The following FEZ2 variants were observed in gnomAD, a reference collection of about 807,000 sequenced individuals.
FEZ2 encodes fasciculation and elongation protein zeta-2.
A neutral mutation model predicts 40.4 loss-of-function variants in FEZ2; 51 were observed. The ratio of observed to expected loss-of-function variants is 1.26; its 90% CI spans 1.01 to 1.59. The LOEUF is 1.59. Ranked by LOEUF, FEZ2 falls within the 40% of genes most tolerant of loss-of-function variation. The probability of loss-of-function intolerance (pLI) is 0.00; values close to 1 mark genes in which losing one functional copy is unlikely to be tolerated. For missense variants in FEZ2, 640 were observed against 438.3 expected (o/e 1.46, Z -4.11); for synonymous variants, 242 against 172.0 (o/e 1.41, Z -3.18).
At chr2:36,566,803 G>T (rs1048737998) in intron 5 of FEZ2, among the ~76,000 whole-genome samples, 1 of 152,168 alleles carries the variant, frequency 6.6e-6, no homozygotes, top group Non-Finnish European at 1.5e-5. Flanking sequence ...TACTGCCAAG[G>T]CCTGTTACCT....
chr2:36,568,908 T>C (rs542671565), intron 5 of FEZ2, among the ~76,000 whole-genome samples: 3 of 152,274 alleles, frequency 2.0e-5, no homozygotes, highest in East Asian at 1.9e-4. Context: ...AAACAGGATA[T>C]AGATTTATAA....
Position 36,581,398 on chromosome 2 carries a change from A to T in FEZ2, c.526T>A (p.Ser176Thr), listed in dbSNP as rs1464159706. The T allele has an allele frequency of 6.2e-7, 1 of 1,613,614 alleles. No homozygotes were observed. Among genetic ancestry groups the T allele is most frequent in the South Asian group, 1.1e-5 (1 of 91,068 alleles). Reference sequence around the variant, plus strand: ...GTTTCATCATCTTCTGGGTCCGGTGATTCCTGCATCATTTCTTCAATTTCT... The same window carrying T: ...GTTTCATCATCTTCTGGGTCCGGTGTTTCCTGCATCATTTCTTCAATTTCT... Reference protein sequence around the residue: ...IEEIEEMMQESPDPEDDETPT... With the variant: ...IEEIEEMMQETPDPEDDETPT... Residue 176 changes from serine (S) to threonine (T), a missense_variant, in exon 4 of 8, where the codon TCA (serine) becomes ACA (threonine). Ser to Thr is a moderately conservative substitution (Grantham distance 58, BLOSUM62 1). Transcript: ENST00000405912.
chr2:36,597,936 G>C lies in FEZ2; in HGVS notation c.207C>G (p.Ala69=), dbSNP rs1335964771. 1.4e-6 allele frequency: 2 copies of C among 1,442,904 alleles called. No homozygotes were observed. Among genetic ancestry groups the C allele is most frequent in the African/African-American group, 1.5e-5 (1 of 67,270 alleles). The allele number at this position is 1,442,904 out of a possible 1,614,324, so 89.4% of individuals were successfully genotyped here. The change falls in exon 1 of 8, where the codon GCC becomes GCG. Residue 69 remains alanine (A), a synonymous_variant. Transcript: ENST00000405912. ...GCCGCACGGCCGTCCTCGGGGGCTC[G>C]GCGCCCGGATCCGAGGGGCGGAAGC... The part of the protein sequence containing the change: ...SLCFRPSDPG[A]EPPRTAVRPI...
At chr2:36,596,806 C>A (rs2148355407) in intron 1 of FEZ2, among the ~76,000 whole-genome samples, 1 of 152,250 alleles carries the variant, frequency 6.6e-6, no homozygotes, top group East Asian at 1.9e-4. Flanking sequence ...TCCGGAGGCT[C>A]CTCTCCCCCT....
In FEZ2 at chr2:36,598,060, G is replaced by A; in HGVS notation, c.83C>T (p.Ala28Val). 3 of 1,480,880 alleles carry A rather than the reference G, an allele frequency of 2.0e-6. No individual in the cohort carries two copies. The highest frequency in any genetic ancestry group is 1.2e-5 in the South Asian group (1 of 80,430). The allele number at this position is 1,480,880 out of a possible 1,614,324, so 91.7% of individuals were successfully genotyped here. ...RSLLDQENCN[A>V]SPEPGAEAGA... Reference sequence around the variant, plus strand: ...CGCCTCCGCCCCAGGCTCGGGGCTCGCGTTACAGTTCTCCTGGTCCAGGAG... The same window carrying A: ...CGCCTCCGCCCCAGGCTCGGGGCTCACGTTACAGTTCTCCTGGTCCAGGAG... The change falls in exon 1 of 8, where the codon GCG (alanine) becomes GTG (valine). Residue 28 changes from alanine to valine, a missense_variant. Ala to Val is a moderately conservative substitution (Grantham distance 64). Transcript: ENST00000405912.
chr2:36,563,908 G>A (rs905944083), intron 5 of FEZ2, among the ~76,000 whole-genome samples: 1 of 152,104 alleles, frequency 6.6e-6, no homozygotes, highest in East Asian at 1.9e-4. Context: ...CTTCTAAGAG[G>A]GGCCACTTTC....
chr2:36,562,637 A>C (rs1573003251), intron 5 of FEZ2, among the ~76,000 whole-genome samples: 1 of 152,212 alleles, frequency 6.6e-6, no homozygotes, highest in South Asian at 2.1e-4. Context: ...TTGATGGAGG[A>C]GGCTAGTTAT....
chr2:36,563,847 C>T (rs963827690), intron 5 of FEZ2, among the ~76,000 whole-genome samples: 1 of 152,140 alleles, frequency 6.6e-6, no homozygotes, highest in Non-Finnish European at 1.5e-5. Context: ...TCAGAGACAC[C>T]ACACTCTCCC....
chr2:36,587,854 T>G (rs536707091), intron 2 of FEZ2, among the ~76,000 whole-genome samples: 263 of 152,270 alleles, frequency 1.7e-3, no homozygotes, highest in African/African-American at 3.4e-3. Flanking sequence ...ACTTCTTACA[T>G]AGTCCTTATT....
intron 6 of FEZ2, 170 bp from the exon 7 acceptor site, chr2:36,555,918 A>G: frequency 1.5e-6 from 1 of 678,356 alleles, no homozygotes; most frequent in Non-Finnish European, 2.7e-6. Context: ...AGGCCCAATA[A>G]TTTATTTTAG....
At position 36,558,523 on chromosome 2, in the gene FEZ2, T is replaced by C; in HGVS notation, c.904-10A>G. ...TGACTGTAGTCAAATACTGCCAAGT[T>C]TAAAAAAAAAAAGTGTCACTTAAAT... On this transcript the variant is annotated splice_polypyrimidine_tract_variant and intron_variant, in intron 5 of 7. Transcript: ENST00000405912. The C allele has an allele frequency of 6.8e-7, 1 of 1,474,066 alleles. No homozygotes were observed. Among genetic ancestry groups the C allele is most frequent in the Non-Finnish European group, 9.1e-7 (1 of 1,104,290 alleles). 91.3% of individuals were successfully genotyped at this position (1,474,066 alleles called of 1,614,324 possible).
intron 1 of FEZ2, among the ~76,000 whole-genome samples, chr2:36,594,937 A>C (rs1182784906): frequency 6.6e-6 from 1 of 152,252 alleles, no homozygotes; most frequent in Non-Finnish European, 1.5e-5. Context: ...GGAAGGACAC[A>C]GAGGCAACTC....
Position 36,590,894 on chromosome 2 carries a change from C to T in FEZ2, c.375+9G>A, listed in dbSNP as rs902222374. On this transcript the variant is annotated intron_variant, in intron 2 of 7. Coordinates refer to ENST00000405912, the MANE Select transcript of FEZ2 (RefSeq NM_005102.3). Reference sequence around the variant, plus strand: ...TATTCAAACACTATTGGTTCAATTCCTAACTTACCCCTTTTTCTGAGAGGT... The same window carrying T: ...TATTCAAACACTATTGGTTCAATTCTTAACTTACCCCTTTTTCTGAGAGGT... 21 of 1,500,880 alleles carry T rather than the reference C, an allele frequency of 1.4e-5. No individual in the cohort carries two copies. Among genetic ancestry groups the T allele is most frequent in the Non-Finnish European group, 1.7e-5 (18 of 1,077,136 alleles). The allele number at this position is 1,500,880 out of a possible 1,614,324, so 93.0% of individuals were successfully genotyped here. A position where few individuals can be genotyped will look rare whatever the true frequency, so the allele number is the denominator to read the frequency against.
intron 1 of FEZ2, among the ~76,000 whole-genome samples, chr2:36,597,464 T>G (rs1669259850): frequency 6.6e-6 from 1 of 152,188 alleles, no homozygotes; most frequent in Non-Finnish European, 1.5e-5. Flanking sequence ...TGCCCAGTCG[T>G]TTTGGTGTTC....
At chr2:36,571,188 G>C (rs1371006473) in intron 5 of FEZ2, among the ~76,000 whole-genome samples, 2 of 152,002 alleles carry the variant, frequency 1.3e-5, no homozygotes, top group African/African-American at 2.4e-5. Context: ...ATAATTCATA[G>C]GTTTGAATTA....
chr2:36,579,733 T>G (rs927587917), intron 4 of FEZ2, among the ~76,000 whole-genome samples: 4 of 152,172 alleles, frequency 2.6e-5, no homozygotes, highest in Non-Finnish European at 5.9e-5. Flanking sequence ...TTCAGGCATT[T>G]TATAGCAGTG....
intron 5 of FEZ2, among the ~76,000 whole-genome samples, chr2:36,566,141 C>A (rs1270050510): frequency 2.0e-5 from 3 of 152,124 alleles, no homozygotes; most frequent in Non-Finnish European, 2.9e-5. Context: ...GAGATGGAGA[C>A]CATCCTGGCT....
Position 36,578,667 on chromosome 2 carries a change from T to C in FEZ2, c.833A>G (p.Lys278Arg), listed in dbSNP as rs1049973153. 1.2e-6 allele frequency: 2 copies of C among 1,613,834 alleles called. No homozygotes were observed. Among genetic ancestry groups the C allele is most frequent in the Non-Finnish European group, 8.5e-7 (1 of 1,179,858 alleles). ...GCCATTTTTTAGTTTCTTTTTCTTT[T>C]TTGCTGTTTCTTTGTGCTCTTTCTG... Reference protein sequence around the residue: ...NKQKEHKETAKKKKKLKNGSS... With the variant: ...NKQKEHKETARKKKKLKNGSS... Residue 278 changes from lysine (K) to arginine (R), a missense_variant, in exon 5 of 8, where the codon AAA (lysine) becomes AGA (arginine). Physicochemically the swap from Lys to Arg is conservative, Grantham distance 26 (BLOSUM62 2). Coordinates refer to ENST00000405912, the MANE Select transcript of FEZ2 (RefSeq NM_005102.3).
chr2:36,561,770 C>T (rs1668098457), intron 5 of FEZ2, among the ~76,000 whole-genome samples: 1 of 152,094 alleles, frequency 6.6e-6, no homozygotes, highest in African/African-American at 2.4e-5. Context: ...GGTTCCTTCC[C>T]CTGGAATTTT....
Sources: allele counts gnomAD v4.1 joint callset (sites outside exome capture counted in the v4.1 genomes callset), GRCh38; gene constraint gnomAD v4.1.1; transcripts MANE v1.5; gene names NCBI Gene and HGNC (gene_info 2026-07-23, HGNC 2026-07-21).